Variants in MCUB observed in about 807,000 individuals in gnomAD.
The protein encoded by MCUB is mitochondrial calcium uniporter dominant negative subunit beta, also known as calcium uniporter regulatory subunit MCUb, mitochondrial.
In MCUB, 46 loss-of-function variants were observed where a neutral mutation model predicts 41.4. The observed-to-expected ratio is 1.11, with a 90% CI of 0.88 to 1.42. The LOEUF (loss-of-function observed/expected upper bound fraction) is 1.42. Among genes scored for constraint, MCUB ranks in the 40% most tolerant of loss-of-function variants. The pLI, the probability that MCUB is intolerant of heterozygous loss-of-function variation, is 0.00. For missense variants in MCUB, 403 were observed against 404.9 expected, an observed-to-expected ratio of 1.00 and a Z score of 0.04; for synonymous variants, 148 against 148.2, an observed-to-expected ratio of 1.00 and a Z score of 0.01.
chr4:109,640,210 G>A (rs1039104877), intron 1 of MCUB, among the ~76,000 whole-genome samples: 1 of 152,228 alleles, frequency 6.6e-6, no homozygotes, highest in South Asian at 2.1e-4. Flanking sequence ...GGGCGGGAGG[G>A]TGTATTGTCA....
intron 1 of MCUB, among the ~76,000 whole-genome samples, chr4:109,592,837 A>G (rs372954079): frequency 1.3e-5 from 2 of 152,242 alleles, no homozygotes; most frequent in East Asian, 1.9e-4. Flanking sequence ...CATTTCCATC[A>G]CACCAGCAAG....
chr4:109,579,870 G>T (rs1019434708), intron 1 of MCUB, among the ~76,000 whole-genome samples: 3 of 152,050 alleles, frequency 2.0e-5, no homozygotes. Flanking sequence ...CCCCAAAAAT[G>T]AACATAAAAC....
At chr4:109,665,066 G>T (rs1729314911) in intron 4 of MCUB, among the ~76,000 whole-genome samples, 1 of 152,096 alleles carries the variant, frequency 6.6e-6, no homozygotes, top group Admixed American at 6.6e-5. Context: ...TCCCACACCA[G>T]ACTGGTATAT....
In MCUB at chr4:109,617,153, C is replaced by G. The variant is rs542062457; in HGVS notation, c.100-41858C>G. On this transcript the variant is annotated intron_variant, in intron 1 of 7. Coordinates refer to ENST00000394650, the MANE Select transcript of MCUB (RefSeq NM_017918.5). Reference sequence around the variant, plus strand: ...AATGATTTATGCAAATTAATAGACCCAATTTGCCTCAACTCTGGCACAGAT... The same window carrying G: ...AATGATTTATGCAAATTAATAGACCGAATTTGCCTCAACTCTGGCACAGAT... 2.0e-5 allele frequency among the ~76,000 whole-genome samples: 3 copies of G among 152,284 alleles called. No individual in the cohort carries two copies. In the East Asian group the frequency reaches 5.8e-4, roughly 29 times the overall value.
chr4:109,572,193 G>A (rs748198092), intron 1 of MCUB, among the ~76,000 whole-genome samples: 1 of 152,224 alleles, frequency 6.6e-6, no homozygotes, highest in Non-Finnish European at 1.5e-5. Flanking sequence ...CGCCCTCCAG[G>A]CGTATCATAA....
intron 1 of MCUB, among the ~76,000 whole-genome samples, chr4:109,618,805 A>G (rs1021029238): frequency 1.3e-5 from 2 of 152,216 alleles, no homozygotes; most frequent in Admixed American, 6.5e-5. Flanking sequence ...GTCTTTTTCT[A>G]TAGAATCTTT....
At chr4:109,597,019 G>A (rs1455848483) in intron 1 of MCUB, among the ~76,000 whole-genome samples, 1 of 151,834 alleles carries the variant, frequency 6.6e-6, no homozygotes, top group African/African-American at 2.4e-5. Context: ...AGTGGACACA[G>A]CACATGTTTC....
chr4:109,595,773 G>A (rs1472018538), intron 1 of MCUB, among the ~76,000 whole-genome samples: 2 of 152,294 alleles, frequency 1.3e-5, no homozygotes, highest in African/African-American at 4.8e-5. Context: ...AGGTTAGAAT[G>A]GAGGAGATTG....
intron 1 of MCUB, among the ~76,000 whole-genome samples, chr4:109,635,662 C>T (rs1050777440): frequency 6.6e-6 from 1 of 152,136 alleles, no homozygotes; most frequent in Admixed American, 6.5e-5. Flanking sequence ...GCTTTGGAGC[C>T]TCCCTCCCTC....
chr4:109,579,650 C>T (rs1727123504), intron 1 of MCUB, among the ~76,000 whole-genome samples: 1 of 151,964 alleles, frequency 6.6e-6, no homozygotes, highest in African/African-American at 2.4e-5. Context: ...TGGCAAATGA[C>T]CATGAATGTA....
At chr4:109,597,710 G>A (rs1360741713) in intron 1 of MCUB, among the ~76,000 whole-genome samples, 6 of 139,786 alleles carry the variant, frequency 4.3e-5, no homozygotes, top group South Asian at 2.2e-4. Context: ...CCTCCTGGAC[G>A]GGGCGGCTGG....
intron 1 of MCUB, among the ~76,000 whole-genome samples, chr4:109,569,497 C>CTTTTTTTTT (rs35808519): frequency 2.3e-5 from 2 of 87,196 alleles, no homozygotes; most frequent in Non-Finnish European, 4.0e-5. Context: ...TTGGCTATCC[C>CTTTTTTTTT]TTTTTTTTTT....
At chr4:109,607,311 G>T (rs772342281) in intron 1 of MCUB, among the ~76,000 whole-genome samples, 1 of 151,714 alleles carries the variant, frequency 6.6e-6, no homozygotes, top group Non-Finnish European at 1.5e-5. Context: ...TCTGCCTCTC[G>T]GGTTCAAGCA....
At chr4:109,570,572 G>T (rs1229674467) in intron 1 of MCUB, among the ~76,000 whole-genome samples, 1 of 152,036 alleles carries the variant, frequency 6.6e-6, no homozygotes, top group Non-Finnish European at 1.5e-5. Flanking sequence ...GAATAAGCAT[G>T]GTTGTGTTCC....
chr4:109,590,095 T>C (rs1421124791), intron 1 of MCUB, among the ~76,000 whole-genome samples: 1 of 152,234 alleles, frequency 6.6e-6, no homozygotes, highest in African/African-American at 2.4e-5. Flanking sequence ...TCATTTTTGT[T>C]ATTTTGTGAG....
At chr4:109,686,292 C>G (rs967540771) in intron 7 of MCUB, among the ~76,000 whole-genome samples, 13 of 152,076 alleles carry the variant, frequency 8.5e-5, no homozygotes, top group African/African-American at 3.1e-4. Flanking sequence ...GCGCCCGCCA[C>G]CACACCTGGT....
intron 1 of MCUB, among the ~76,000 whole-genome samples, chr4:109,618,338 T>G (rs1728174660): frequency 1.3e-5 from 2 of 152,248 alleles, no homozygotes; most frequent in Admixed American, 6.5e-5. Flanking sequence ...ATATTCTAAG[T>G]GCTACTCATA....
intron 1 of MCUB, among the ~76,000 whole-genome samples, chr4:109,623,147 A>G (rs1366574663): frequency 2.0e-5 from 3 of 152,222 alleles, no homozygotes; most frequent in Non-Finnish European, 4.4e-5. Context: ...ATCCTCAACC[A>G]TCTTAAAGAA....
chr4:109,598,618 G>GGGAGAC (rs1393289209), intron 1 of MCUB, among the ~76,000 whole-genome samples: 1 of 149,620 alleles, frequency 6.7e-6, no homozygotes, highest in Non-Finnish European at 1.5e-5. Flanking sequence ...GTGGGGAGAC[G>GGGAGAC]GGAGAGGGAG....
Sources: allele counts gnomAD v4.1 joint callset (sites outside exome capture counted in the v4.1 genomes callset), GRCh38; gene constraint gnomAD v4.1.1; transcripts MANE v1.5; gene names NCBI Gene and HGNC (gene_info 2026-07-23, HGNC 2026-07-21).